CDH18: variants seen among roughly 807,000 people sequenced by gnomAD.
CDH18 encodes the protein cadherin-18.
In CDH18, 31 loss-of-function variants were observed where a neutral mutation model predicts 67.9. That is an observed-to-expected ratio of 0.46 (90% CI 0.34 to 0.62). The LOEUF is 0.62. CDH18 is among the 20% of genes least tolerant of loss of function. CDH18 has a pLI of 0.01. For missense variants in CDH18, 890 were observed against 975.5 expected (o/e 0.91, Z 1.17); for synonymous variants, 362 against 347.2 (o/e 1.04, Z -0.48).
rs151173506 is a variant in CDH18 at position 20,152,500 on chromosome 5, G to T, written c.-518+102944C>A. ...AATATCTCTCTTATGCTTGCAGAGT[G>T]GGTATTACATTTTCAGCTGGTTAAT... On this transcript the variant is annotated intron_variant, in intron 2 of 14. Transcript: ENST00000507958. Among the ~76,000 whole-genome samples, 620 of 151,740 alleles carry T rather than the reference G, an allele frequency of 4.1e-3. 4 individuals are homozygous for T. Among genetic ancestry groups the T allele is most frequent in the African/African-American group, 0.014 (589 of 41,394 alleles).
At chr5:19,920,094 A>G (rs1792263760) in intron 2 of CDH18, among the ~76,000 whole-genome samples, 1 of 152,198 alleles carries the variant, frequency 6.6e-6, no homozygotes, top group Non-Finnish European at 1.5e-5. Flanking sequence ...AACATTAGGA[A>G]GCACTGTTTT....
intron 12 of CDH18, among the ~76,000 whole-genome samples, chr5:19,482,220 A>C (rs999362675): frequency 2.6e-5 from 4 of 151,870 alleles, no homozygotes; most frequent in Non-Finnish European, 5.9e-5. Context: ...GGTTCATGCC[A>C]TTCTCCTGCC....
At chr5:19,576,264 G>A (rs1274511153) in intron 7 of CDH18, among the ~76,000 whole-genome samples, 1 of 152,000 alleles carries the variant, frequency 6.6e-6, no homozygotes, top group Non-Finnish European at 1.5e-5. Context: ...TCAAACTAAA[G>A]AGCTTCTTCA....
intron 2 of CDH18, among the ~76,000 whole-genome samples, chr5:19,967,984 T>G (rs1797628238): frequency 1.3e-5 from 2 of 148,578 alleles, no homozygotes; most frequent in African/African-American, 5.2e-5. Context: ...ATAAGCAACT[T>G]CAGCAAAGTC....
chr5:20,280,450 C>T (rs1165767141), intron 1 of CDH18, among the ~76,000 whole-genome samples: 3 of 152,282 alleles, frequency 2.0e-5, no homozygotes, highest in African/African-American at 2.4e-5. Flanking sequence ...TGAGTGAGAA[C>T]ATGCGGTGTT....
chr5:20,524,179 T>C (rs190133351), intron 1 of CDH18, among the ~76,000 whole-genome samples: 4 of 152,328 alleles, frequency 2.6e-5, no homozygotes, highest in East Asian at 3.9e-4. Context: ...TCCCTGCTGA[T>C]TGGCAAATTA....
intron 2 of CDH18, among the ~76,000 whole-genome samples, chr5:20,093,917 T>G (rs957472501): frequency 1.7e-4 from 26 of 152,058 alleles, no homozygotes; most frequent in African/African-American, 6.3e-4. Context: ...AGACCAATGT[T>G]TTGAAGAGAA....
intron 1 of CDH18, among the ~76,000 whole-genome samples, chr5:20,326,697 C>T (rs1738625829): frequency 6.6e-6 from 1 of 152,008 alleles, no homozygotes; most frequent in South Asian, 2.1e-4. Context: ...CGCCACCACA[C>T]CCGGCTAATT....
rs192335652 is a variant in CDH18 at position 20,430,830 on chromosome 5, T to G, written c.-580+144632A>C. On this transcript the variant is annotated intron_variant, in intron 1 of 14. Coordinates refer to the CDH18 transcript ENST00000507958. ...TTTTCTCCTTTCAAATCAGAATCTTTCAGATTTTCTATTTCATAATAACAT... is the reference window on the plus strand; with the variant it reads ...TTTTCTCCTTTCAAATCAGAATCTTGCAGATTTTCTATTTCATAATAACAT... Among the ~76,000 whole-genome samples the G allele has an allele frequency of 1.1e-4, 16 of 152,312 alleles. 1 individual carries two copies. In the East Asian group the frequency reaches 2.9e-3, roughly 28 times the overall value.
intron 2 of CDH18, among the ~76,000 whole-genome samples, chr5:19,873,298 A>G (rs1262019245): frequency 1.3e-5 from 2 of 151,958 alleles, no homozygotes; most frequent in African/African-American, 4.8e-5. Flanking sequence ...CTCATATCTC[A>G]TTGAAAGTCT....
chr5:20,256,989 T>C (rs1443571461), intron 1 of CDH18, among the ~76,000 whole-genome samples: 1 of 132,452 alleles, frequency 7.5e-6, no homozygotes, highest in Non-Finnish European at 1.6e-5. Flanking sequence ...TATCTATATC[T>C]ATCTATCTAT....
chr5:20,300,949 A>G (rs990814269), intron 1 of CDH18, among the ~76,000 whole-genome samples: 3 of 152,234 alleles, frequency 2.0e-5, no homozygotes, highest in Admixed American at 6.5e-5. Context: ...ACCTGAGCAC[A>G]TATCATTCAC....
At chr5:20,145,403 A>G (rs1750565022) in intron 2 of CDH18, among the ~76,000 whole-genome samples, 1 of 152,172 alleles carries the variant, frequency 6.6e-6, no homozygotes, top group African/African-American at 2.4e-5. Context: ...CTCATTTTTC[A>G]ATAGTAAATA....
In CDH18 at chr5:20,501,482, TTATA is replaced by T. The variant is rs1355905085; in HGVS notation, c.-580+73976_-580+73979del. ...ACATATTATATATATTATATACATA[TTATA>T]TATATTTTATATACATATTTTATAT... On this transcript the variant is annotated intron_variant, in intron 1 of 14. Transcript: ENST00000507958. Among the ~76,000 whole-genome samples the T allele has an allele frequency of 2.7e-4, 10 of 36,476 alleles. No homozygotes were observed. The Admixed American group carries it at 3.0e-3, about 11-fold the overall frequency. The allele number at this position is 36,476 out of a possible 152,430, so 23.9% of individuals were successfully genotyped here. A position where few individuals can be genotyped will look rare whatever the true frequency, so the allele number is the denominator to read the frequency against.
rs772930840 is a variant in CDH18 at position 19,543,871 on chromosome 5, A to G, written c.1388T>C (p.Ile463Thr). 15 of 1,573,654 alleles carry G rather than the reference A, an allele frequency of 9.5e-6. No homozygotes were observed. Among genetic ancestry groups the G allele is most frequent in the Non-Finnish European group, 1.3e-5 (15 of 1,156,418 alleles). The stretch of plus-strand genomic sequence containing the variant: ...CTGTGATACATAAAGTAGTTTACCA[A>G]TTTCTGAAGCAGTGACTGTGATGTT... ...WYNITVTASE[I>T]DNPDLLSHVT... The change falls in exon 9 of 13, where the codon ATT becomes ACT. Residue 463 changes from isoleucine (I) to threonine (T), a missense_variant and splice_region_variant. Coordinates refer to ENST00000382275, the MANE Select transcript of CDH18 (RefSeq NM_004934.5).
intron 2 of CDH18, among the ~76,000 whole-genome samples, chr5:20,088,758 G>A (rs928376156): frequency 2.6e-5 from 4 of 152,118 alleles, no homozygotes; most frequent in African/African-American, 9.7e-5. Context: ...CTGAAAGCAT[G>A]CTAACAAATA....
At chr5:20,538,015 C>T (rs1756826111) in intron 1 of CDH18, among the ~76,000 whole-genome samples, 1 of 152,114 alleles carries the variant, frequency 6.6e-6, no homozygotes, top group Non-Finnish European at 1.5e-5. Context: ...GTTAAATTTG[C>T]AGCCCATTCT....
chr5:19,854,424 T>G (rs1360511224), intron 2 of CDH18, among the ~76,000 whole-genome samples: 1 of 152,180 alleles, frequency 6.6e-6, no homozygotes, highest in Non-Finnish European at 1.5e-5. Flanking sequence ...ATCTACAGAT[T>G]GCTAAAATAT....
intron 2 of CDH18, among the ~76,000 whole-genome samples, chr5:20,242,548 T>A (rs1743011960): frequency 6.8e-6 from 1 of 146,280 alleles, no homozygotes; most frequent in East Asian, 2.0e-4. Context: ...TGACAGGATT[T>A]CTTCCCCCAC....
Sources: allele counts gnomAD v4.1 joint callset (sites outside exome capture counted in the v4.1 genomes callset), GRCh38; gene constraint gnomAD v4.1.1; transcripts MANE v1.5; gene names NCBI Gene and HGNC (gene_info 2026-07-23, HGNC 2026-07-21).